The following GOLPH3L variants were observed in gnomAD, a reference collection of about 807,000 sequenced individuals.
The protein encoded by GOLPH3L is Golgi phosphoprotein 3-like.
GOLPH3L carries 22 observed loss-of-function variants against 30.3 expected under a neutral mutation model. The ratio of observed to expected loss-of-function variants is 0.73; its 90% CI spans 0.52 to 1.04. The LOEUF is 1.04. Among genes scored for constraint, GOLPH3L ranks in the 50% least tolerant of loss-of-function variants. The probability of loss-of-function intolerance (pLI) is 0.00; values close to 1 mark genes in which losing one functional copy is unlikely to be tolerated. For missense variants in GOLPH3L, 303 were observed against 345.8 expected (o/e 0.88, Z 0.98); for synonymous variants, 120 against 128.2 (o/e 0.94, Z 0.43).
At chr1:150,654,508 A>T (rs1650198391) in intron 4 of GOLPH3L, among the ~76,000 whole-genome samples, 1 of 133,008 alleles carries the variant, frequency 7.5e-6, no homozygotes, top group Non-Finnish European at 1.5e-5. Flanking sequence ...CATTCCGTTT[A>T]AAAAAAAAAA....
At position 150,646,696 on chromosome 1, in the gene GOLPH3L, C is replaced by G. The variant is rs963355128; in HGVS notation, c.*1625G>C. 6 of 152,130 alleles carry G rather than the reference C, an allele frequency of 3.9e-5. No homozygotes were observed. Among genetic ancestry groups the G allele is most frequent in the African/African-American group, 1.4e-4 (6 of 41,426 alleles). 9.4% of individuals were successfully genotyped at this position (152,130 alleles called of 1,614,324 possible). ...AGAGGAGAGAAATGAATAAATAATTCATTTAATTATTTCTAATCAAGAGGA... is the reference window on the plus strand; with the variant it reads ...AGAGGAGAGAAATGAATAAATAATTGATTTAATTATTTCTAATCAAGAGGA... On this transcript the variant is annotated 3_prime_UTR_variant, in exon 5 of 5. Coordinates refer to ENST00000271732, the MANE Select transcript of GOLPH3L (RefSeq NM_018178.6).
At chr1:150,660,158 AT>A (rs1179711072) in intron 4 of GOLPH3L, among the ~76,000 whole-genome samples, 1 of 152,184 alleles carries the variant, frequency 6.6e-6, no homozygotes, top group Non-Finnish European at 1.5e-5. Context: ...TATGCTCAAT[AT>A]TTTTAGTCAT....
At chr1:150,653,293 T>A (rs1434681870) in intron 4 of GOLPH3L, among the ~76,000 whole-genome samples, 2 of 131,238 alleles carry the variant, frequency 1.5e-5, no homozygotes, top group East Asian at 2.2e-4. Flanking sequence ...AATCTTTTTT[T>A]TTTTATTTTT....
intron 3 of GOLPH3L, among the ~76,000 whole-genome samples, chr1:150,662,681 A>G (rs1171960939): frequency 6.6e-6 from 1 of 152,254 alleles, no homozygotes; most frequent in African/African-American, 2.4e-5. Context: ...ATGGAGAAGT[A>G]AGGAAACAGT....
At chr1:150,682,368 C>T (rs937485258) in intron 2 of GOLPH3L, among the ~76,000 whole-genome samples, 1 of 151,922 alleles carries the variant, frequency 6.6e-6, no homozygotes, top group African/African-American at 2.4e-5. Context: ...TGGCTCACAC[C>T]TGTAATCCCA....
At chr1:150,673,566 AAAAAAACAAAACAAAAC>A (rs587710197) in intron 2 of GOLPH3L, among the ~76,000 whole-genome samples, 167 of 125,904 alleles carry the variant, frequency 1.3e-3, no homozygotes, top group African/African-American at 4.5e-3. Context: ...ACTCCGTCTC[AAAAAAACAAAACAAAAC>A]AAAAAACAAA....
intron 2 of GOLPH3L, among the ~76,000 whole-genome samples, chr1:150,684,011 G>C (rs1348464343): frequency 2.0e-5 from 3 of 152,048 alleles, no homozygotes; most frequent in Non-Finnish European, 2.9e-5. Context: ...AGGTGATTAA[G>C]TTAAAATGAG....
Position 150,648,097 on chromosome 1 carries a change from A to T in GOLPH3L, c.*224T>A. 1 of 451,974 alleles carries T rather than the reference A, an allele frequency of 2.2e-6. No individual in the cohort carries two copies. The highest frequency in any genetic ancestry group is 3.9e-6 in the Non-Finnish European group (1 of 256,900). 28.0% of individuals were successfully genotyped at this position (451,974 alleles called of 1,614,324 possible). On this transcript the variant is annotated 3_prime_UTR_variant, in exon 5 of 5. Transcript: ENST00000271732. ...ATGTTCATTGGGTGTGTGTGGCTTC[A>T]CCCAGTTTATTTACCTATGGAGTGG...
chr1:150,677,054 C>G (rs999255658), intron 2 of GOLPH3L, among the ~76,000 whole-genome samples: 1 of 149,822 alleles, frequency 6.7e-6, no homozygotes. Flanking sequence ...AGGCTACATG[C>G]GTAATTTTAT....
chr1:150,656,929 T>G lies in GOLPH3L; in HGVS notation c.430+4885A>C, dbSNP rs141903768. 8.0e-3 allele frequency among the ~76,000 whole-genome samples: 1,224 copies of G among 152,312 alleles called. 9 individuals carry two copies. The highest frequency in any genetic ancestry group is 0.011 in the Non-Finnish European group (733 of 68,022). On this transcript the variant is annotated intron_variant, in intron 4 of 4. Coordinates refer to ENST00000271732, the MANE Select transcript of GOLPH3L (RefSeq NM_018178.6). ...AAACCAATTGAAGGTGCTGAGAATG[T>G]TTTTACAGATGGGTCTGGTAATGGT...
At position 150,694,821 on chromosome 1, in the gene GOLPH3L, G is replaced by C. The variant is rs1342161580; in HGVS notation, c.18C>G (p.His6Gln). ...TGCTTATTTCAGTGCGACGGGCCCG[G>C]TGAGTTAAAGTGGTCATTCTCACCT... MTTLT[H>Q]RARRTEISKN... Residue 6 changes from histidine to glutamine, a missense_variant, in exon 2 of 5, where the codon CAC becomes CAG. Transcript: ENST00000271732. 1.2e-6 allele frequency: 2 copies of C among 1,607,728 alleles called. No homozygotes were observed. Among genetic ancestry groups the C allele is most frequent in the Non-Finnish European group, 1.7e-6 (2 of 1,177,526 alleles).
At chr1:150,676,130 T>A (rs587644912) in intron 2 of GOLPH3L, among the ~76,000 whole-genome samples, 1 of 151,924 alleles carries the variant, frequency 6.6e-6, no homozygotes, top group African/African-American at 2.4e-5. Flanking sequence ...CATGCCACCA[T>A]GCCTGGCTAA....
At position 150,661,287 on chromosome 1, in the gene GOLPH3L, G is replaced by A. The variant is rs587698222; in HGVS notation, c.430+527C>T. Among the ~76,000 whole-genome samples the A allele has an allele frequency of 1.1e-4, 16 of 152,206 alleles. No homozygotes were observed. The East Asian group carries it at 2.7e-3, about 26-fold the overall frequency. On this transcript the variant is annotated intron_variant, in intron 4 of 4. Transcript: ENST00000271732. ...TTTTACCACAGTAAGAATGTTACTC[G>A]TTGATTTACATATGACCCAGTTATC...
At position 150,661,836 on chromosome 1, in the gene GOLPH3L, T is replaced by C; in HGVS notation, c.408A>G (p.Gln136=). The change falls in exon 4 of 5, where the codon CAA becomes CAG. Residue 136 remains glutamine (Q), a synonymous_variant. Coordinates refer to ENST00000271732, the MANE Select transcript of GOLPH3L (RefSeq NM_018178.6). ...TACCAGTGAGTAGCTCTATCCATGT[T>C]TGGACAGTTTCTGTGGGTTCAGTTG... is the stretch of plus-strand genomic sequence containing the variant. ...IKATEPTETV[Q]TWIELLTGET... is the part of the protein sequence containing the mutation. 1.3e-6 allele frequency: 2 copies of C among 1,526,100 alleles called. No individual in the cohort carries two copies. The highest frequency in any genetic ancestry group is 1.8e-6 in the Non-Finnish European group (2 of 1,099,470). 94.5% of individuals were successfully genotyped at this position (1,526,100 alleles called of 1,614,324 possible).
chr1:150,670,269 A>T (rs1325553037), intron 2 of GOLPH3L, among the ~76,000 whole-genome samples: 1 of 151,422 alleles, frequency 6.6e-6, no homozygotes, highest in Non-Finnish European at 1.5e-5. Flanking sequence ...TCTCAAAAAA[A>T]ATTGTAAAAA....
At position 150,646,789 on chromosome 1, in the gene GOLPH3L, G is replaced by A. The variant is rs1649986104; in HGVS notation, c.*1532C>T. ...TTTGTTGTTCTATAATGGTCAAGAAGCACTATCCCATTAAAGTATAATAAA... is the reference window on the plus strand; with the variant it reads ...TTTGTTGTTCTATAATGGTCAAGAAACACTATCCCATTAAAGTATAATAAA... On this transcript the variant is annotated 3_prime_UTR_variant, in exon 5 of 5. Coordinates refer to ENST00000271732, the MANE Select transcript of GOLPH3L (RefSeq NM_018178.6). 6.6e-6 allele frequency: 1 copy of A among 152,160 alleles called. No homozygotes were observed. Among genetic ancestry groups the A allele is most frequent in the Non-Finnish European group, 1.5e-5 (1 of 68,026 alleles). 9.4% of individuals were successfully genotyped at this position (152,160 alleles called of 1,614,324 possible).
intron 2 of GOLPH3L, among the ~76,000 whole-genome samples, chr1:150,672,845 C>A (rs746476697): frequency 2.0e-5 from 3 of 152,066 alleles, no homozygotes; most frequent in Non-Finnish European, 4.4e-5. Context: ...TCAGCCTGAT[C>A]GTGAGGAAGG....
chr1:150,662,102 A>G (rs587600934), intron 3 of GOLPH3L, among the ~76,000 whole-genome samples, 174 bp from the exon 4 acceptor site: 1 of 152,350 alleles, frequency 6.6e-6, no homozygotes, highest in East Asian at 1.9e-4. Context: ...TAGTGCAAAG[A>G]CAAAAATAAC....
intron 2 of GOLPH3L, among the ~76,000 whole-genome samples, chr1:150,690,203 T>C (rs2101820291): frequency 6.6e-6 from 1 of 151,976 alleles, no homozygotes; most frequent in Non-Finnish European, 1.5e-5. Flanking sequence ...CCCAGGTTGG[T>C]CTAGAATTCC....
Sources: allele counts gnomAD v4.1 joint callset (sites outside exome capture counted in the v4.1 genomes callset), GRCh38; gene constraint gnomAD v4.1.1; transcripts MANE v1.5; gene names NCBI Gene and HGNC (gene_info 2026-07-23, HGNC 2026-07-21).